The following TMBIM4 variants were observed in gnomAD, a reference collection of about 807,000 sequenced individuals.
TMBIM4 encodes transmembrane BAX inhibitor motif containing 4, also known as protein lifeguard 4.
In TMBIM4, 28 loss-of-function variants were observed where a neutral mutation model predicts 27.7. The observed-to-expected ratio is 1.01, with a 90% confidence interval of 0.75 to 1.38. The LOEUF (loss-of-function observed/expected upper bound fraction) is 1.38, where lower values mean the gene tolerates loss of function less well. TMBIM4 is among the 40% of genes most tolerant of loss of function. The pLI is 0.00. For synonymous variants in TMBIM4, 115 were observed against 113.1 expected (o/e 1.02, Z -0.11); for missense variants, 265 against 277.5 (o/e 0.95, Z 0.32).
chr12:66,148,402 C>T (rs1022276755), intron 3 of TMBIM4, among the ~76,000 whole-genome samples: 3 of 152,132 alleles, frequency 2.0e-5, no homozygotes, highest in Non-Finnish European at 2.9e-5. Context: ...GAATTTTTAC[C>T]TGGACACATG....
At chr12:66,169,569 C>T in intron 1 of TMBIM4, 1 of 467,792 alleles carries the variant, frequency 2.1e-6, no homozygotes. Flanking sequence ...TCTGTCCCTT[C>T]CTACACCGCG....
chr12:66,169,782 G>T, intron 1 of TMBIM4, 73 bp downstream of exon 1: 1 of 1,211,540 alleles, frequency 8.3e-7, no homozygotes, highest in Non-Finnish European at 1.1e-6. Context: ...TCCCTCGGAA[G>T]CCGGAAGTCG....
intron 1 of TMBIM4, chr12:66,169,304 T>G (rs961352591): frequency 2.9e-6 from 2 of 696,444 alleles, no homozygotes; most frequent in East Asian, 2.7e-5. Flanking sequence ...GAAGCTTCTG[T>G]GTTGAGCAAC....
At chr12:66,162,401 G>C (rs1427281556) in intron 1 of TMBIM4, among the ~76,000 whole-genome samples, 3 of 152,170 alleles carry the variant, frequency 2.0e-5, no homozygotes, top group African/African-American at 7.2e-5. Flanking sequence ...CACAGATAAA[G>C]AGGGACAACT....
intron 1 of TMBIM4, among the ~76,000 whole-genome samples, chr12:66,167,033 T>A (rs76627773): frequency 6.6e-6 from 1 of 152,104 alleles, no homozygotes; most frequent in Non-Finnish European, 1.5e-5. Flanking sequence ...AAAGGCCAAT[T>A]TGAAAGGTTA....
Position 66,152,301 on chromosome 12 carries a change from A to T in TMBIM4, c.282T>A (p.Tyr94Ter). 6.2e-7 allele frequency: 1 copy of T among 1,608,764 alleles called. No individual in the cohort carries two copies. The highest frequency in any genetic ancestry group is 8.5e-7 in the Non-Finnish European group (1 of 1,176,960). ...IFALILNRHK[Y>*]PLNLYLLFGF... ...CAAAAAGTAGGTACAGGTTAAGGGG[A>T]TACTTATGTCTGTTTAAAATCAACG... The change falls in exon 3 of 7, where the codon TAT becomes TAA. Residue 94 changes from tyrosine to a stop codon, truncating the protein, a stop_gained. Coordinates refer to ENST00000358230, the MANE Select transcript of TMBIM4 (RefSeq NM_016056.4). LOFTEE classifies it high-confidence loss of function.
chr12:66,169,098 A>G, intron 1 of TMBIM4: 1 of 561,038 alleles, frequency 1.8e-6, no homozygotes, highest in South Asian at 2.2e-5. Context: ...CATCAGAACT[A>G]TCTTCATCTT....
chr12:66,142,157 G>A (rs1274766103), intron 5 of TMBIM4, among the ~76,000 whole-genome samples: 5 of 151,832 alleles, frequency 3.3e-5, no homozygotes, highest in Non-Finnish European at 5.9e-5. Flanking sequence ...ATGCTATTTG[G>A]TGAAATGAAG....
At chr12:66,161,838 C>T (rs34750837) in intron 1 of TMBIM4, among the ~76,000 whole-genome samples, 1 of 152,140 alleles carries the variant, frequency 6.6e-6, no homozygotes, top group Non-Finnish European at 1.5e-5. Flanking sequence ...GTAATCACAG[C>T]TCTTTGGGAG....
At chr12:66,162,492 G>T (rs1011382054) in intron 1 of TMBIM4, among the ~76,000 whole-genome samples, 2 of 152,116 alleles carry the variant, frequency 1.3e-5, no homozygotes, top group Non-Finnish European at 2.9e-5. Context: ...CTGTAAAAGT[G>T]ATTATATGTC....
At chr12:66,150,199 C>T (rs779884811) in intron 3 of TMBIM4, among the ~76,000 whole-genome samples, 22 of 152,116 alleles carry the variant, frequency 1.4e-4, no homozygotes, top group African/African-American at 2.4e-4. Context: ...CATGTAGATG[C>T]GAAGAGGAAT....
chr12:66,153,409 A>C lies in TMBIM4; in HGVS notation c.137T>G (p.Val46Gly), dbSNP rs770627952. 52 of 1,600,456 alleles carry C rather than the reference A, an allele frequency of 3.2e-5. No individual in the cohort carries two copies. The highest frequency in any genetic ancestry group is 3.7e-5 in the Non-Finnish European group (44 of 1,175,716). The change falls in exon 2 of 7, where the codon GTT (valine) becomes GGT (glycine). Residue 46 changes from valine (V) to glycine (G), a missense_variant. Transcript: ENST00000358230. ...RKVYSILSLQ[V>G]LLTTVTSTVF... ...TGTTGAAGTCACTGTAGTTAAGAGA[A>C]CCTGCAGAGAAAGAATGCTGTAGAC...
At chr12:66,141,004 A>G (rs902994876) in intron 5 of TMBIM4, among the ~76,000 whole-genome samples, 7 of 152,188 alleles carry the variant, frequency 4.6e-5, no homozygotes, top group Admixed American at 2.6e-4. Flanking sequence ...AAGCAAGAAA[A>G]AAAACCCAAA....
chr12:66,166,992 T>C (rs1456629800), intron 1 of TMBIM4, among the ~76,000 whole-genome samples: 1 of 152,202 alleles, frequency 6.6e-6, no homozygotes, highest in East Asian at 1.9e-4. Flanking sequence ...CAAAGACATG[T>C]AGAAAACCTT....
intron 5 of TMBIM4, among the ~76,000 whole-genome samples, chr12:66,142,500 G>A (rs2051684208): frequency 6.6e-6 from 1 of 151,548 alleles, no homozygotes. Context: ...AGTAATAACA[G>A]TAGTATCAGC....
chr12:66,140,712 A>G (rs1002563948), intron 5 of TMBIM4, among the ~76,000 whole-genome samples: 1 of 152,196 alleles, frequency 6.6e-6, no homozygotes, highest in East Asian at 1.9e-4. Flanking sequence ...CCTAGGCAAC[A>G]CAGCAAGACC....
chr12:66,151,489 T>G (rs1249590251), intron 3 of TMBIM4, among the ~76,000 whole-genome samples: 4 of 152,218 alleles, frequency 2.6e-5, no homozygotes, highest in Non-Finnish European at 5.9e-5. Context: ...TCTGCCCACG[T>G]CAGCCTTCCA....
Position 66,169,907 on chromosome 12 carries a change from G to A in TMBIM4, c.45C>T (p.Asp15=), listed in dbSNP as rs980212926. The part of the protein sequence containing the change: ...DPRYPRSSIE[D]DFNYGSSVAS... ...CCACGCTGCTGCCATAGTTGAAGTC[G>A]TCCTCGATCGAGGAGCGAGGGTACC... The change falls in exon 1 of 7, where the codon GAC becomes GAT. Residue 15 remains aspartate (D), a synonymous_variant. Transcript: ENST00000358230. 8 of 1,496,962 alleles carry A rather than the reference G, an allele frequency of 5.3e-6. No homozygotes were observed. Among genetic ancestry groups the A allele is most frequent in the Admixed American group, 2.5e-5 (1 of 39,304 alleles). The allele number at this position is 1,496,962 out of a possible 1,614,324, so 92.7% of individuals were successfully genotyped here.
At chr12:66,158,088 T>C (rs1025405717) in intron 1 of TMBIM4, among the ~76,000 whole-genome samples, 8 of 151,284 alleles carry the variant, frequency 5.3e-5, no homozygotes, top group South Asian at 2.1e-4. Flanking sequence ...TAGCTGGGCG[T>C]GGTGGCGGGC....
Sources: allele counts gnomAD v4.1 joint callset (sites outside exome capture counted in the v4.1 genomes callset), GRCh38; gene constraint gnomAD v4.1.1; transcripts MANE v1.5; gene names NCBI Gene and HGNC (gene_info 2026-07-23, HGNC 2026-07-21).